The following NSMCE1 variants were observed in gnomAD, a reference collection of about 807,000 sequenced individuals.
NSMCE1 encodes the protein non-structural maintenance of chromosomes element 1 homolog.
Under a neutral mutation model 29.6 loss-of-function variants are expected in NSMCE1, and 18 were observed. That is an observed-to-expected ratio of 0.61 (90% CI 0.42 to 0.90). The LOEUF (loss-of-function observed/expected upper bound fraction) is 0.90. NSMCE1 is among the 40% of genes least tolerant of loss of function. The pLI is 0.00. For synonymous variants in NSMCE1, 124 were observed against 133.4 expected (o/e 0.93, Z 0.49); for missense variants, 314 against 343.6 (o/e 0.91, Z 0.68).
intron 2 of NSMCE1, among the ~76,000 whole-genome samples, chr16:27,235,945 G>A (rs2083818738): frequency 6.6e-6 from 1 of 152,220 alleles, no homozygotes; most frequent in South Asian, 2.1e-4. Flanking sequence ...CCACCCTCCA[G>A]CAGCTCTCTG....
intron 1 of NSMCE1, among the ~76,000 whole-genome samples, chr16:27,259,945 A>C (rs1263693423): frequency 3.9e-5 from 6 of 152,192 alleles, no homozygotes; most frequent in Non-Finnish European, 2.9e-5. Context: ...TGAGGATAAG[A>C]CAAAAACATT....
At position 27,225,172 on chromosome 16, in the gene NSMCE1, C is replaced by G. The variant is rs370020355; in HGVS notation, c.786G>C (p.Arg262=). 1 of 1,602,192 alleles carries G rather than the reference C, an allele frequency of 6.2e-7. No homozygotes were observed. Among genetic ancestry groups the G allele is most frequent in the Non-Finnish European group, 8.5e-7 (1 of 1,172,498 alleles). ...GGCACGATGGCTAATGCTGCCTGGA[C>G]CGCAGGGACTTTTTGTTCGATTTCA... is the stretch of plus-strand genomic sequence containing the variant. The part of the protein sequence containing the change: ...GVLKSNKKSL[R]SRQH The change falls in exon 8 of 8, where the codon CGG becomes CGC. Residue 262 remains arginine, a synonymous_variant. Transcript: ENST00000361439.
Position 27,233,054 on chromosome 16 carries a change from T to C in NSMCE1, c.430A>G (p.Lys144Glu). ...TTCTGCAGCACCTGCTCCGCTTCCT[T>C]CTTCCTCATCTTCTTGCCTTTAAGT... ...DQLKGKKMRK[K>E]EAEQVLQKFV... is the part of the protein sequence containing the mutation. The change falls in exon 5 of 8, where the codon AAG becomes GAG. Residue 144 changes from lysine (K) to glutamate (E), a missense_variant. By Grantham distance (56) the Lys-to-Glu change is moderately conservative. Coordinates refer to ENST00000361439, the MANE Select transcript of NSMCE1 (RefSeq NM_145080.4). The C allele has an allele frequency of 1.2e-6, 2 of 1,614,224 alleles. No individual in the cohort carries two copies. The highest frequency in any genetic ancestry group is 1.7e-6 in the Non-Finnish European group (2 of 1,180,016).
chr16:27,254,054 C>T (rs984795368), intron 2 of NSMCE1, among the ~76,000 whole-genome samples: 1 of 152,160 alleles, frequency 6.6e-6, no homozygotes, highest in Non-Finnish European at 1.5e-5. Flanking sequence ...TTCAATCACT[C>T]CTTTGTTTCA....
intron 2 of NSMCE1, among the ~76,000 whole-genome samples, chr16:27,240,474 C>T (rs958695486): frequency 1.9e-4 from 29 of 152,124 alleles, no homozygotes; most frequent in African/African-American, 5.6e-4. Flanking sequence ...TCAACCCAGC[C>T]CACCCCAGCA....
chr16:27,233,950 T>C (rs749507020), intron 4 of NSMCE1: 6 of 507,542 alleles, frequency 1.2e-5, no homozygotes, highest in South Asian at 2.6e-5. Context: ...GCCCATCCAG[T>C]TGGGGCTCAC....
intron 2 of NSMCE1, chr16:27,241,771 C>A: frequency 2.4e-6 from 1 of 416,422 alleles, no homozygotes; most frequent in South Asian, 1.7e-5. Context: ...CCAGCTCATT[C>A]ACTACACGCT....
At chr16:27,265,092 G>A (rs971166529) in intron 1 of NSMCE1, among the ~76,000 whole-genome samples, 1 of 150,616 alleles carries the variant, frequency 6.6e-6, no homozygotes, top group Non-Finnish European at 1.5e-5. Flanking sequence ...CACCAGACAG[G>A]CAAAAATTTT....
At chr16:27,234,022 G>A (rs962278680) in intron 4 of NSMCE1, 166 bp downstream of exon 4, 2 of 594,642 alleles carry the variant, frequency 3.4e-6, no homozygotes, top group Non-Finnish European at 6.0e-6. Flanking sequence ...GTGAGTTCCA[G>A]ATGGGTAGAC....
At chr16:27,233,862 GCTGCTGCTGC>G in intron 4 of NSMCE1, 1 of 321,172 alleles carries the variant, frequency 3.1e-6, no homozygotes. Context: ...AGGCGATGCT[GCTGCTGCTGC>G]CTTTCCCAGA....
chr16:27,231,958 GCTC>G (rs1463597986), intron 5 of NSMCE1, among the ~76,000 whole-genome samples: 1 of 152,198 alleles, frequency 6.6e-6, no homozygotes, highest in Non-Finnish European at 1.5e-5. Flanking sequence ...CTCACCAGGA[GCTC>G]CCAGCCCTGC....
intron 2 of NSMCE1, among the ~76,000 whole-genome samples, chr16:27,242,081 C>T (rs1018371407): frequency 6.6e-6 from 1 of 152,200 alleles, no homozygotes; most frequent in Non-Finnish European, 1.5e-5. Context: ...ATCAGTCCTG[C>T]GTTCATCATC....
In NSMCE1 at chr16:27,225,173, C is replaced by A. The variant is rs888675127; in HGVS notation, c.785G>T (p.Arg262Leu). The change falls in exon 8 of 8, where the codon CGG (arginine) becomes CTG (leucine). Residue 262 changes from arginine (R) to leucine (L), a missense_variant. Coordinates refer to ENST00000361439, the MANE Select transcript of NSMCE1 (RefSeq NM_145080.4). ...GCACGATGGCTAATGCTGCCTGGACCGCAGGGACTTTTTGTTCGATTTCAA... is the reference window on the plus strand; with the variant it reads ...GCACGATGGCTAATGCTGCCTGGACAGCAGGGACTTTTTGTTCGATTTCAA... ...GVLKSNKKSL[R>L]SRQH 3 of 1,602,550 alleles carry A rather than the reference C, an allele frequency of 1.9e-6. No individual in the cohort carries two copies. Among genetic ancestry groups the A allele is most frequent in the Non-Finnish European group, 2.6e-6 (3 of 1,172,820 alleles).
intron 2 of NSMCE1, among the ~76,000 whole-genome samples, chr16:27,238,129 A>C (rs2083846506): frequency 6.6e-6 from 1 of 152,138 alleles, no homozygotes; most frequent in South Asian, 2.1e-4. Flanking sequence ...TTCAGCAGCA[A>C]CAGAGGTGGC....
intron 5 of NSMCE1, among the ~76,000 whole-genome samples, chr16:27,228,400 G>A (rs1170220494): frequency 6.6e-6 from 1 of 151,998 alleles, no homozygotes; most frequent in Non-Finnish European, 1.5e-5. Context: ...CAGCCCCCAG[G>A]CTGTCCTCGG....
Position 27,263,217 on chromosome 16 carries a change from T to A in NSMCE1, c.-12+5489A>T, listed in dbSNP as rs942864371. Among the ~76,000 whole-genome samples the A allele has an allele frequency of 5.3e-5, 8 of 152,174 alleles. No individual in the cohort carries two copies. In the East Asian group the frequency reaches 1.4e-3, roughly 26 times the overall value. On this transcript the variant is annotated intron_variant, in intron 1 of 7. Transcript: ENST00000361439. ...TGGGTATATACCAGAGGAACAGAAA[T>A]ATTCTACCATAAAGACACATGCACG...
intron 2 of NSMCE1, among the ~76,000 whole-genome samples, chr16:27,244,591 C>T (rs890991462): frequency 6.6e-6 from 1 of 152,170 alleles, no homozygotes; most frequent in African/African-American, 2.4e-5. Context: ...CTTTGGAAAG[C>T]GTCTCCCGCA....
At chr16:27,241,931 A>G (rs542504099) in intron 2 of NSMCE1, 1 of 410,866 alleles carries the variant, frequency 2.4e-6, no homozygotes, top group South Asian at 1.7e-5. Context: ...ACCAGAAATC[A>G]GATGTCTGGC....
chr16:27,237,191 G>A (rs1192567759), intron 2 of NSMCE1, among the ~76,000 whole-genome samples: 3 of 152,216 alleles, frequency 2.0e-5, no homozygotes, highest in Non-Finnish European at 4.4e-5. Flanking sequence ...ATAGTAAGTG[G>A]GTGGAACATG....
Sources: gnomAD v4.1 joint callset for allele counts (sites outside exome capture counted in the v4.1 genomes callset) on GRCh38, gnomAD v4.1.1 for gene constraint, MANE v1.5 for transcripts, NCBI Gene and HGNC (gene_info 2026-07-23, HGNC 2026-07-21) for gene names.